RAB11FIP3: variants seen among roughly 807,000 people sequenced by gnomAD.
RAB11FIP3 encodes rab11 family-interacting protein 3.
In RAB11FIP3, 17 loss-of-function variants were observed where a neutral mutation model predicts 77.8. That is an observed-to-expected ratio of 0.22 (90% confidence interval 0.15 to 0.33). The LOEUF is 0.33. Ranked by LOEUF, RAB11FIP3 falls within the 10% of genes least tolerant of loss-of-function variation. The probability of loss-of-function intolerance (pLI) is 1.00; values close to 1 mark genes in which losing one functional copy is unlikely to be tolerated. For missense variants in RAB11FIP3, 1,005 were observed against 1,011.2 expected, an observed-to-expected ratio of 0.99 and a Z score of 0.08; for synonymous variants, 437 against 448.2, an observed-to-expected ratio of 0.98 and a Z score of 0.31.
At chr16:469,434 A>C (rs1210556475) in intron 2 of RAB11FIP3, among the ~76,000 whole-genome samples, 1 of 150,808 alleles carries the variant, frequency 6.6e-6, no homozygotes, top group Admixed American at 6.7e-5. Flanking sequence ...TCACTTTGTC[A>C]CCCAGGTTGG....
Position 520,655 on chromosome 16 carries a change from G to GTGCGCTGTGGTTTA in RAB11FIP3, c.2158-60_2158-47dup, listed in dbSNP as rs1362329840. On this transcript the variant is annotated intron_variant, in intron 13 of 13. Coordinates refer to ENST00000262305, the MANE Select transcript of RAB11FIP3 (RefSeq NM_014700.4). ...CTGGGGTCCACAGTCTGCACTGTCT[G>GTGCGCTGTGGTTTA]TGCGCTGTGGTTTATGCGCTGTGGC... is the stretch of plus-strand genomic sequence containing the variant. 6.2e-6 allele frequency: 10 copies of GTGCGCTGTGGTTTA among 1,610,862 alleles called. No homozygotes were observed. The East Asian group carries it at 8.9e-5, about 14-fold the overall frequency.
At chr16:431,718 A>G (rs1215425086) in intron 1 of RAB11FIP3, among the ~76,000 whole-genome samples, 1 of 151,972 alleles carries the variant, frequency 6.6e-6, no homozygotes, top group African/African-American at 2.4e-5. Flanking sequence ...GTGACTGTCT[A>G]TAAAAGTACA....
rs147790026 is a variant in RAB11FIP3, at chr16:520,465, C to T, written c.2023C>T (p.Arg675Cys). The T allele has an allele frequency of 1.1e-5, 18 of 1,613,368 alleles. No homozygotes were observed. The highest frequency in any genetic ancestry group is 4.5e-5 in the East Asian group (2 of 44,870). ...QEVRRLKQDN[R>C]NLKEQNEELN... Reference sequence around the variant, plus strand: ...GATGTTGCTGTGCCTTCAGGACAACCGCAACCTGAAGGAGCAGAACGAGGA... The same window carrying T: ...GATGTTGCTGTGCCTTCAGGACAACTGCAACCTGAAGGAGCAGAACGAGGA... The change falls in exon 13 of 14, where the codon CGC (arginine) becomes TGC (cysteine). Residue 675 changes from arginine to cysteine, a missense_variant. By Grantham distance (180) the Arg-to-Cys change is radical (BLOSUM62 -3). Transcript: ENST00000262305.
chr16:475,668 C>A (rs2055890424), intron 3 of RAB11FIP3, among the ~76,000 whole-genome samples: 1 of 152,142 alleles, frequency 6.6e-6, no homozygotes, highest in African/African-American at 2.4e-5. Flanking sequence ...CCCAGGGCAT[C>A]CAGCCGGCCA....
In RAB11FIP3 at chr16:514,458, A is replaced by G. The variant is rs541503111; in HGVS notation, c.1640+3658A>G. Among the ~76,000 whole-genome samples the G allele has an allele frequency of 6.6e-6, 1 of 152,346 alleles. No homozygotes were observed. Among genetic ancestry groups the G allele is most frequent in the Non-Finnish European group, 1.5e-5 (1 of 68,028 alleles). On this transcript the variant is annotated intron_variant, in intron 9 of 13. Coordinates refer to ENST00000262305, the MANE Select transcript of RAB11FIP3 (RefSeq NM_014700.4). The surrounding 1 kb of genome is among the most constrained non-coding windows in gnomAD (Gnocchi z 4.6). ...GAACAGCAGGGGCGGGTGGCTATGC[A>G]GTTGCAGTGCCTAGAAAACAGCTGG...
intron 7 of RAB11FIP3, among the ~76,000 whole-genome samples, chr16:504,209 A>ACCT (rs1421807326): frequency 4.2e-4 from 8 of 19,016 alleles, no homozygotes; most frequent in Non-Finnish European, 6.8e-4. Flanking sequence ...GCACCCCCTC[A>ACCT]CCTCCTGTAC....
intron 1 of RAB11FIP3, among the ~76,000 whole-genome samples, chr16:431,088 G>C (rs1335661953): frequency 6.6e-6 from 1 of 152,134 alleles, no homozygotes; most frequent in East Asian, 1.9e-4. Flanking sequence ...GTGTGTGTGA[G>C]CAGTTACATA....
intron 9 of RAB11FIP3, among the ~76,000 whole-genome samples, chr16:511,164 G>C (rs1032932645): frequency 1.1e-5 from 1 of 89,524 alleles, no homozygotes; most frequent in African/African-American, 5.0e-5. Flanking sequence ...CCGACGGCCC[G>C]CCAACCCCAG....
At chr16:499,521 G>A (rs1287213045) in intron 6 of RAB11FIP3, among the ~76,000 whole-genome samples, 5 of 152,174 alleles carry the variant, frequency 3.3e-5, no homozygotes, top group Admixed American at 6.5e-5. Flanking sequence ...ATCTGAGCCG[G>A]ACGCAGTGGC....
intron 4 of RAB11FIP3, among the ~76,000 whole-genome samples, chr16:483,408 C>T (rs1567384126): frequency 6.6e-6 from 1 of 152,160 alleles, no homozygotes; most frequent in Non-Finnish European, 1.5e-5. Context: ...CCTCATTGGG[C>T]CCCTCCCTTT....
rs868375022 is a variant in RAB11FIP3 at position 473,098 on chromosome 16, C to A, written c.903+1709C>A. Among the ~76,000 whole-genome samples the A allele has an allele frequency of 3.1e-4, 47 of 152,286 alleles. No individual in the cohort carries two copies. In the Middle Eastern group the frequency reaches 0.014, roughly 44 times the overall value. ...GAGAGGATAAACTGGTGTTTCTTCACGCCCCGTGGTCTGTGCTAGTTCGTT... is the reference window on the plus strand; with the variant it reads ...GAGAGGATAAACTGGTGTTTCTTCAAGCCCCGTGGTCTGTGCTAGTTCGTT... On this transcript the variant is annotated intron_variant, in intron 3 of 13. Coordinates refer to ENST00000262305, the MANE Select transcript of RAB11FIP3 (RefSeq NM_014700.4).
intron 3 of RAB11FIP3, among the ~76,000 whole-genome samples, chr16:473,754 T>C (rs575166390): frequency 9.2e-5 from 14 of 152,256 alleles, no homozygotes; most frequent in Non-Finnish European, 1.8e-4. Flanking sequence ...ATGTTAGTAT[T>C]AGCCAAAGTC....
intron 6 of RAB11FIP3, chr16:497,370 C>A: frequency 2.3e-6 from 3 of 1,301,116 alleles, no homozygotes; most frequent in South Asian, 1.2e-5. Context: ...CAGTTCTTAC[C>A]GAAATAAACA....
intron 6 of RAB11FIP3, chr16:497,576 T>C (rs1040149936): frequency 1.1e-5 from 9 of 786,984 alleles, no homozygotes; most frequent in Non-Finnish European, 1.2e-5. Context: ...GCCTCCTCTC[T>C]GCCCTGTTGT....
intron 1 of RAB11FIP3, among the ~76,000 whole-genome samples, chr16:447,594 C>T (rs1405066638): frequency 3.3e-5 from 5 of 152,128 alleles, no homozygotes; most frequent in Non-Finnish European, 5.9e-5. Flanking sequence ...AAAAATTAGC[C>T]GGGCGTGGTG....
At chr16:499,200 G>A (rs528586569) in intron 6 of RAB11FIP3, among the ~76,000 whole-genome samples, 1 of 152,282 alleles carries the variant, frequency 6.6e-6, no homozygotes, top group Admixed American at 6.5e-5. Context: ...CAACAAGAGC[G>A]AGACTCCATC....
chr16:518,453 G>A (rs2032517923), intron 9 of RAB11FIP3, among the ~76,000 whole-genome samples: 1 of 152,164 alleles, frequency 6.6e-6, no homozygotes, highest in African/African-American at 2.4e-5. Flanking sequence ...GATGGCCGGC[G>A]GGGTGGCTCG....
intron 3 of RAB11FIP3, among the ~76,000 whole-genome samples, chr16:476,185 G>C (rs1464892897): frequency 6.6e-6 from 1 of 152,224 alleles, no homozygotes; most frequent in Non-Finnish European, 1.5e-5. Context: ...GAAGGTGAAG[G>C]TGGGTCCAGA....
Position 461,145 on chromosome 16 carries a change from G to A in RAB11FIP3, c.715-259G>A, listed in dbSNP as rs1182744630. On this transcript the variant is annotated intron_variant, in intron 1 of 13. Coordinates refer to ENST00000262305, the MANE Select transcript of RAB11FIP3 (RefSeq NM_014700.4). This position sits in a 1 kb window ranked among gnomAD's most constrained non-coding sequence, Gnocchi z 4.5. The stretch of plus-strand genomic sequence containing the variant: ...GATGATACTGTTCAGATCATCCGGC[G>A]TTAGAGTCTCATAAGGAGCGCGCAA... 1.3e-5 allele frequency among the ~76,000 whole-genome samples: 2 copies of A among 152,176 alleles called. No individual in the cohort carries two copies. Among genetic ancestry groups the A allele is most frequent in the Non-Finnish European group, 2.9e-5 (2 of 68,026 alleles).
Sources: gnomAD v4.1 joint callset for allele counts (sites outside exome capture counted in the v4.1 genomes callset) on GRCh38, gnomAD v4.1.1 for gene constraint, Gnocchi (gnomAD v3.1) non-coding constraint, MANE v1.5 for transcripts, NCBI Gene and HGNC (gene_info 2026-07-23, HGNC 2026-07-21) for gene names.